The following GRIN2A variants were observed in gnomAD, a reference collection of about 807,000 sequenced individuals.
GRIN2A encodes the protein glutamate ionotropic receptor NMDA type subunit 2A, also known as glutamate receptor ionotropic, NMDA 2A.
GRIN2A carries 22 observed loss-of-function variants against 113.4 expected under a neutral mutation model. The observed-to-expected ratio is 0.19, with a 90% confidence interval of 0.14 to 0.28. GRIN2A has a LOEUF of 0.28. Ranked by LOEUF, GRIN2A falls within the 10% of genes least tolerant of loss-of-function variation. The pLI, the probability that GRIN2A is intolerant of heterozygous loss-of-function variation, is 1.00. For synonymous variants in GRIN2A, 827 were observed against 738.4 expected (o/e 1.12, Z -1.94); for missense variants, 1,502 against 1,887.0 (o/e 0.80, Z 3.78).
chr16:10,073,083 G>A (rs528331614), intron 2 of GRIN2A, among the ~76,000 whole-genome samples: 4 of 150,648 alleles, frequency 2.7e-5, no homozygotes, highest in Non-Finnish European at 5.9e-5. Context: ...AGCCTCCCAA[G>A]TAGCTGGGAT....
chr16:9,877,587 T>G (rs1303317304), intron 4 of GRIN2A, among the ~76,000 whole-genome samples: 5 of 151,116 alleles, frequency 3.3e-5, no homozygotes, highest in South Asian at 4.2e-4. Context: ...GTTCTCTCTC[T>G]CTCGTCTCCT....
chr16:9,940,055 A>AGT (rs1232090521), intron 2 of GRIN2A, among the ~76,000 whole-genome samples: 3 of 142,670 alleles, frequency 2.1e-5, no homozygotes. Context: ...AGAGAGAGAG[A>AGT]GAGAGAGTGT....
chr16:10,035,722 A>ATTT, intron 2 of GRIN2A, among the ~76,000 whole-genome samples: 1 of 140,868 alleles, frequency 7.1e-6, no homozygotes, highest in African/African-American at 2.6e-5. Flanking sequence ...TGGATGATCG[A>ATTT]TTTTTTTTTT....
At chr16:10,176,332 T>C (rs994658058) in intron 2 of GRIN2A, among the ~76,000 whole-genome samples, 2 of 152,274 alleles carry the variant, frequency 1.3e-5, no homozygotes, top group Non-Finnish European at 2.9e-5. Flanking sequence ...TTAGTTATAT[T>C]GCAAGACTAC....
chr16:9,776,009 G>T (rs1053742445), intron 11 of GRIN2A, among the ~76,000 whole-genome samples: 1 of 152,210 alleles, frequency 6.6e-6, no homozygotes, highest in Admixed American at 6.5e-5. Context: ...AGAAGACGCA[G>T]CTTAAGCTTT....
intron 2 of GRIN2A, among the ~76,000 whole-genome samples, chr16:10,156,630 A>G (rs752328040): frequency 5.3e-5 from 8 of 152,216 alleles, no homozygotes; most frequent in Non-Finnish European, 8.8e-5. Context: ...ATAAAAAAAG[A>G]CTGAGTGCAT....
In GRIN2A at chr16:10,083,267, C is replaced by T. The variant is rs539119944; in HGVS notation, c.414+96731G>A. Among the ~76,000 whole-genome samples the T allele has an allele frequency of 1.4e-4, 22 of 152,288 alleles. No homozygotes were observed. The South Asian group carries it at 4.1e-3, about 29-fold the overall frequency. ...GTGTGCAAGGCACAACCAGTCCTTG[C>T]GTGATTTCTTCCAACCGCAGACTCC... On this transcript the variant is annotated intron_variant, in intron 2 of 12. Coordinates refer to ENST00000330684, the MANE Select transcript of GRIN2A (RefSeq NM_001134407.3).
At chr16:10,109,763 G>C (rs542715891) in intron 2 of GRIN2A, among the ~76,000 whole-genome samples, 122 of 152,020 alleles carry the variant, frequency 8.0e-4, no homozygotes, top group African/African-American at 2.8e-3. Context: ...GTAACACAAA[G>C]GATAAATGCT....
In GRIN2A at chr16:9,755,897, C is replaced by T. The variant is rs905694680; in HGVS notation, c.*7252G>A. The T allele has an allele frequency of 9.5e-6, 2 of 209,594 alleles. No homozygotes were observed. The highest frequency in any genetic ancestry group is 4.6e-5 in the African/African-American group (2 of 43,942). The allele number at this position is 209,594 out of a possible 1,614,324, so 13.0% of individuals were successfully genotyped here. A position where few individuals can be genotyped will look rare whatever the true frequency, so the allele number is the denominator to read the frequency against. On this transcript the variant is annotated 3_prime_UTR_variant, in exon 13 of 13. Coordinates refer to ENST00000330684, the MANE Select transcript of GRIN2A (RefSeq NM_001134407.3). ...AGACCAAGAAGGAAAACAACAACAACATTTTAATAGCTGGTCCTCAATCAT... is the reference window on the plus strand; with the variant it reads ...AGACCAAGAAGGAAAACAACAACAATATTTTAATAGCTGGTCCTCAATCAT...
At position 9,789,585 on chromosome 16, in the gene GRIN2A, CACACAA is replaced by C. The variant is rs1902474381; in HGVS notation, c.2356+8686_2356+8691del. Among the ~76,000 whole-genome samples the C allele has an allele frequency of 2.4e-5, 3 of 123,844 alleles. No homozygotes were observed. In the South Asian group the frequency reaches 7.3e-4, roughly 30 times the overall value. 81.2% of individuals were successfully genotyped at this position (123,844 alleles called of 152,430 possible). On this transcript the variant is annotated intron_variant, in intron 11 of 12. Transcript: ENST00000330684. ...ACACACACACACACACACACACACA[CACACAA>C]ACACATAAATAAATTAAGGAGGACG...
intron 2 of GRIN2A, among the ~76,000 whole-genome samples, chr16:10,068,053 T>C (rs1330155172): frequency 6.6e-6 from 1 of 152,254 alleles, no homozygotes; most frequent in Admixed American, 6.5e-5. Context: ...TGAGATGAGA[T>C]GGCAGATGTG....
intron 2 of GRIN2A, among the ~76,000 whole-genome samples, chr16:10,177,784 C>T (rs1392567284): frequency 6.6e-6 from 1 of 152,230 alleles, no homozygotes; most frequent in Admixed American, 6.5e-5. Flanking sequence ...TTGGTCACAA[C>T]CTGCCATTCA....
At chr16:10,126,359 G>A (rs549076683) in intron 2 of GRIN2A, among the ~76,000 whole-genome samples, 2 of 151,894 alleles carry the variant, frequency 1.3e-5, no homozygotes, top group South Asian at 2.1e-4. Flanking sequence ...AGAGAGGGGG[G>A]TCTCGCTATG....
At chr16:10,046,947 G>C (rs1371849978) in intron 2 of GRIN2A, among the ~76,000 whole-genome samples, 1 of 152,144 alleles carries the variant, frequency 6.6e-6, no homozygotes, top group African/African-American at 2.4e-5. Flanking sequence ...GACAGTTGGA[G>C]CTGGTTAATT....
chr16:9,825,237 C>A (rs1008477415), intron 9 of GRIN2A, among the ~76,000 whole-genome samples: 5 of 152,138 alleles, frequency 3.3e-5, no homozygotes, highest in African/African-American at 9.7e-5. Context: ...AGCTCCTGAG[C>A]CTGAATTTCT....
At chr16:10,105,223 A>G (rs1359857579) in intron 2 of GRIN2A, among the ~76,000 whole-genome samples, 2 of 152,150 alleles carry the variant, frequency 1.3e-5, no homozygotes, top group African/African-American at 4.8e-5. Flanking sequence ...TCACCCAGCA[A>G]TGCTGACCAC....
chr16:10,138,239 T>G (rs1192724515), intron 2 of GRIN2A, among the ~76,000 whole-genome samples: 1 of 152,210 alleles, frequency 6.6e-6, no homozygotes, highest in Non-Finnish European at 1.5e-5. Context: ...AGGGCTGAGT[T>G]TGAAACCACA....
chr16:9,784,830 AC>A (rs71400494), intron 11 of GRIN2A, among the ~76,000 whole-genome samples: 56,878 of 151,918 alleles, frequency 0.37, 11,505 homozygotes, highest in African/African-American at 0.54. Flanking sequence ...GTCAAAAGAT[AC>A]ATGAAAAAAT....
At chr16:9,858,612 T>A (rs1270973254) in intron 4 of GRIN2A, among the ~76,000 whole-genome samples, 1 of 152,192 alleles carries the variant, frequency 6.6e-6, no homozygotes, top group Non-Finnish European at 1.5e-5. Flanking sequence ...AAGGGTAGAT[T>A]AACTTTGTAA....
Sources: allele counts gnomAD v4.1 joint callset (sites outside exome capture counted in the v4.1 genomes callset), GRCh38; gene constraint gnomAD v4.1.1; transcripts MANE v1.5; gene names NCBI Gene and HGNC (gene_info 2026-07-23, HGNC 2026-07-21).